Variants in RER1 observed in about 807,000 individuals in gnomAD.
RER1 encodes protein RER1.
In RER1, 6 loss-of-function variants were observed where a neutral mutation model predicts 28.3. The ratio of observed to expected loss-of-function variants is 0.21; its 90% CI spans 0.12 to 0.42. The LOEUF (loss-of-function observed/expected upper bound fraction) is 0.42. Ranked by LOEUF, RER1 falls within the 10% of genes least tolerant of loss-of-function variation. The pLI is 1.00. For missense variants in RER1, 159 were observed against 252.9 expected (o/e 0.63, Z 2.52); for synonymous variants, 110 against 95.9 (o/e 1.15, Z -0.86).
intron 2 of RER1, 181 bp downstream of exon 2, chr1:2,396,052 C>T (rs1021285665): frequency 2.4e-5 from 15 of 612,934 alleles, no homozygotes; most frequent in Non-Finnish European, 4.1e-5. Flanking sequence ...AGATCGGGCT[C>T]TGGGGCCACA....
intron 3 of RER1, among the ~76,000 whole-genome samples, chr1:2,399,090 G>A (rs1642809041): frequency 6.6e-6 from 1 of 152,198 alleles, no homozygotes; most frequent in Non-Finnish European, 1.5e-5. Flanking sequence ...TGTGCTTCTT[G>A]AGAAAAGCCT....
chr1:2,402,795 C>G lies in RER1; in HGVS notation c.502-240C>G, dbSNP rs867723717. Among the ~76,000 whole-genome samples the G allele has an allele frequency of 7.2e-5, 11 of 152,252 alleles. No individual in the cohort carries two copies. In the South Asian group the frequency reaches 8.3e-4, roughly 11 times the overall value. On this transcript the variant is annotated intron_variant, in intron 6 of 6. Transcript: ENST00000605895. ...GGGCCCTGGGCCACCTCACATCCCCCTTGCCCTTCCTCCACGGGAGGCTCA... is the reference window on the plus strand; with the variant it reads ...GGGCCCTGGGCCACCTCACATCCCCGTTGCCCTTCCTCCACGGGAGGCTCA...
At chr1:2,399,899 C>T (rs1380421839) in intron 4 of RER1, among the ~76,000 whole-genome samples, 1 of 152,204 alleles carries the variant, frequency 6.6e-6, no homozygotes, top group African/African-American at 2.4e-5. Flanking sequence ...TTTCCCGTAG[C>T]CAGAGGGTTC....
At chr1:2,392,373 C>T (rs1642692693) in intron 1 of RER1, among the ~76,000 whole-genome samples, 2 of 152,230 alleles carry the variant, frequency 1.3e-5, no homozygotes, top group Non-Finnish European at 2.9e-5. Flanking sequence ...ATCCTGCGTC[C>T]AGGTCAGCGC....
chr1:2,397,964 T>C (rs146617064), intron 3 of RER1, among the ~76,000 whole-genome samples: 71 of 151,142 alleles, frequency 4.7e-4, no homozygotes, highest in Middle Eastern at 3.5e-3. Context: ...CTTCCTTGTT[T>C]AAAGCACACA....
At chr1:2,400,153 CGTG>C (rs1268542083) in intron 4 of RER1, among the ~76,000 whole-genome samples, 9 of 152,226 alleles carry the variant, frequency 5.9e-5, no homozygotes, top group Non-Finnish European at 8.8e-5. Context: ...CATTCCAGGA[CGTG>C]GTGGCCATTG....
chr1:2,395,982 C>T (rs1642762635), intron 2 of RER1, 111 bp downstream of exon 2: 1 of 850,790 alleles, frequency 1.2e-6, no homozygotes, highest in Admixed American at 1.9e-5. Context: ...AGTTACTTCG[C>T]CTCAGGCTCA....
At chr1:2,396,158 T>C (rs780062752) in intron 2 of RER1, 48 of 394,740 alleles carry the variant, frequency 1.2e-4, no homozygotes, top group Middle Eastern at 1.5e-3. Flanking sequence ...GCAGGACAGA[T>C]GCGGCCGTGG....
chr1:2,403,099 A>C lies in RER1; in HGVS notation c.566A>C (p.Asp189Ala), dbSNP rs766576896. The change falls in exon 7 of 7, where the codon GAT (aspartate) becomes GCT (alanine). Residue 189 changes from aspartate (D) to alanine (A), a missense_variant. Physicochemically the swap from Asp to Ala is moderately radical, Grantham distance 126. Coordinates refer to ENST00000605895, the MANE Select transcript of RER1 (RefSeq NM_007033.5). The part of the protein sequence containing the change: ...HGKRRYRGKE[D>A]AGKAFAS Reference sequence around the variant, plus strand: ...AAGAGAAGGTACAGAGGCAAGGAGGATGCCGGCAAGGCCTTCGCCAGCTAG... The same window carrying C: ...AAGAGAAGGTACAGAGGCAAGGAGGCTGCCGGCAAGGCCTTCGCCAGCTAG... 9 of 1,614,158 alleles carry C rather than the reference A, an allele frequency of 5.6e-6. No individual in the cohort carries two copies. The highest frequency in any genetic ancestry group is 7.6e-6 in the Non-Finnish European group (9 of 1,180,008).
intron 5 of RER1, among the ~76,000 whole-genome samples, 184 bp downstream of exon 5, chr1:2,401,119 C>T (rs1420065434): frequency 6.6e-6 from 1 of 152,058 alleles, no homozygotes; most frequent in Non-Finnish European, 1.5e-5. Flanking sequence ...GGTTTCAAGT[C>T]AGCACCAGTG....
chr1:2,400,729 C>G (rs921605300), intron 4 of RER1, 128 bp from the exon 5 acceptor site: 63 of 784,882 alleles, frequency 8.0e-5, no homozygotes, highest in African/African-American at 5.4e-4. Flanking sequence ...CTCGTTTTCT[C>G]TGGTTAAATG....
At chr1:2,398,150 C>T (rs995656581) in intron 3 of RER1, among the ~76,000 whole-genome samples, 24 of 152,308 alleles carry the variant, frequency 1.6e-4, no homozygotes, top group Middle Eastern at 6.8e-3. Flanking sequence ...CCTCATTTGG[C>T]GTCTCTTCAG....
At position 2,400,816 on chromosome 1, in the gene RER1, T is replaced by G. The variant is rs376395746; in HGVS notation, c.287-41T>G. ...GGAAAAGGTAGAACTGTGATGGGAA[T>G]GAAAAGAGGTGCCCTCCCTGATGGT... On this transcript the variant is annotated intron_variant, in intron 4 of 6. Coordinates refer to ENST00000605895, the MANE Select transcript of RER1 (RefSeq NM_007033.5). The G allele has an allele frequency of 3.8e-4, 574 of 1,515,146 alleles. 1 individual carries two copies. The highest frequency in any genetic ancestry group is 4.6e-4 in the Non-Finnish European group (497 of 1,090,046). The allele number at this position is 1,515,146 out of a possible 1,614,324, so 93.9% of individuals were successfully genotyped here.
chr1:2,393,494 C>T (rs1352131385), intron 1 of RER1, among the ~76,000 whole-genome samples: 2 of 152,184 alleles, frequency 1.3e-5, no homozygotes, highest in South Asian at 2.1e-4. Flanking sequence ...GCAGAGGGGG[C>T]AGCTGGTGTG....
chr1:2,395,685 T>A (rs1021819692), intron 1 of RER1, 99 bp from the exon 2 acceptor site: 1 of 840,174 alleles, frequency 1.2e-6, no homozygotes, highest in Non-Finnish European at 2.0e-6. Context: ...AAATACTGAA[T>A]GTGGAAGAAA....
chr1:2,396,542 T>G (rs1642770114), intron 2 of RER1, among the ~76,000 whole-genome samples: 1 of 152,230 alleles, frequency 6.6e-6, no homozygotes, highest in South Asian at 2.1e-4. Context: ...ATTTGAAAAT[T>G]AAATTTCTAA....
intron 2 of RER1, chr1:2,396,343 G>C (rs1336298801): frequency 1.3e-5 from 2 of 157,684 alleles, no homozygotes; most frequent in African/African-American, 4.8e-5. Flanking sequence ...GAACGCTGGA[G>C]TCCGAACCTC....
chr1:2,398,530 A>G (rs1157512653), intron 3 of RER1, among the ~76,000 whole-genome samples: 1 of 152,210 alleles, frequency 6.6e-6, no homozygotes, highest in Non-Finnish European at 1.5e-5. Flanking sequence ...CTGGGATCAC[A>G]GGCATGTGCC....
chr1:2,401,210 TCC>T (rs1642842897), intron 5 of RER1, among the ~76,000 whole-genome samples: 1 of 112,774 alleles, frequency 8.9e-6, no homozygotes, highest in Non-Finnish European at 1.9e-5. Context: ...CTGTCCTCCC[TCC>T]TCCTCCCTCC....
Sources: allele counts gnomAD v4.1 joint callset (sites outside exome capture counted in the v4.1 genomes callset), GRCh38; gene constraint gnomAD v4.1.1; transcripts MANE v1.5; gene names NCBI Gene and HGNC (gene_info 2026-07-23, HGNC 2026-07-21).